Variants in METTL15 observed in about 807,000 individuals in gnomAD.
METTL15 encodes 12S rRNA N(4)-cytidine methyltransferase METTL15.
Under a neutral mutation model 38.3 loss-of-function variants are expected in METTL15, and 34 were observed. The observed-to-expected ratio is 0.89, with a 90% CI of 0.68 to 1.18. METTL15 has a LOEUF of 1.18. Among genes scored for constraint, METTL15 ranks in the 50% most tolerant of loss-of-function variants. The pLI, the probability that METTL15 is intolerant of heterozygous loss-of-function variation, is 0.00. For missense variants in METTL15, 438 were observed against 498.4 expected (o/e 0.88, Z 1.15); for synonymous variants, 162 against 170.9 (o/e 0.95, Z 0.41).
intron 5 of METTL15, among the ~76,000 whole-genome samples, chr11:28,393,537 A>G (rs1410494451): frequency 6.6e-6 from 1 of 152,096 alleles, no homozygotes; most frequent in African/African-American, 2.4e-5. Context: ...TCTAGCTTCA[A>G]AATGATAAAA....
chr11:28,209,199 T>G (rs1852512783), intron 3 of METTL15, among the ~76,000 whole-genome samples: 1 of 152,018 alleles, frequency 6.6e-6, no homozygotes, highest in African/African-American at 2.4e-5. Context: ...TGTCTCAGAA[T>G]AAGGGTAATT....
intron 4 of METTL15, among the ~76,000 whole-genome samples, chr11:28,250,559 C>CT (rs200416951): frequency 2.9e-3 from 188 of 65,448 alleles, no homozygotes; most frequent in Middle Eastern, 8.3e-3. Flanking sequence ...AGTTACTCTC[C>CT]TTTTTTTAAA....
chr11:28,238,960 A>G (rs914962497), intron 4 of METTL15, among the ~76,000 whole-genome samples: 15 of 150,576 alleles, frequency 1.0e-4, no homozygotes, highest in Non-Finnish European at 1.6e-4. Flanking sequence ...TTTTATTTGG[A>G]TTTTTTTTTT....
chr11:28,193,526 C>T (rs1851777476), intron 3 of METTL15, among the ~76,000 whole-genome samples: 1 of 152,084 alleles, frequency 6.6e-6, no homozygotes, highest in Admixed American at 6.6e-5. Context: ...AATTGCCTCC[C>T]TCCAGGCCCC....
intron 3 of METTL15, chr11:28,134,762 A>AT (rs1264897365): frequency 4.6e-5 from 18 of 393,246 alleles, no homozygotes; most frequent in Non-Finnish European, 8.1e-5. Flanking sequence ...TAGAAGACAT[A>AT]TATCAAAACG....
rs73436567 is a variant in METTL15 at position 28,196,074 on chromosome 11, A to G, written c.271-14988A>G. On this transcript the variant is annotated intron_variant, in intron 3 of 6. Coordinates refer to ENST00000407364, the MANE Select transcript of METTL15 (RefSeq NM_001113528.2). ...CAGTGGTCTGTGTTTCTACTTTTAC[A>G]CCAATATCATGCTGTTTTGGTTACT... 3.2e-3 allele frequency among the ~76,000 whole-genome samples: 486 copies of G among 152,102 alleles called. 1 individual carries two copies. The highest frequency in any genetic ancestry group is 6.0e-3 in the African/African-American group (249 of 41,504).
intron 6 of METTL15, among the ~76,000 whole-genome samples, chr11:28,439,613 G>A (rs867566200): frequency 6.6e-6 from 1 of 152,146 alleles, no homozygotes; most frequent in Non-Finnish European, 1.5e-5. Flanking sequence ...CGGGGTGGAG[G>A]AGAAAAGGTA....
intron 4 of METTL15, among the ~76,000 whole-genome samples, chr11:28,258,771 C>T (rs1855077007): frequency 6.6e-6 from 1 of 152,124 alleles, no homozygotes; most frequent in African/African-American, 2.4e-5. Flanking sequence ...CCCTTGAGGG[C>T]AGTGGACTCC....
At chr11:28,527,988 A>C (rs1376451709), downstream of METTL15, among the ~76,000 whole-genome samples, 1 of 152,214 alleles carries the variant, frequency 6.6e-6, no homozygotes, top group Non-Finnish European at 1.5e-5. Flanking sequence ...GTAATTGCCA[A>C]CTGTGGCATG....
chr11:28,293,182 G>A (rs1435047019), intron 5 of METTL15, among the ~76,000 whole-genome samples: 1 of 152,090 alleles, frequency 6.6e-6, no homozygotes, highest in Non-Finnish European at 1.5e-5. Flanking sequence ...GGTTTTTATG[G>A]TTTTAGGTCT....
rs531789776 is a variant in METTL15 at position 28,204,023 on chromosome 11, A to G, written c.271-7039A>G. 2.0e-5 allele frequency among the ~76,000 whole-genome samples: 3 copies of G among 152,182 alleles called. No homozygotes were observed. In the East Asian group the frequency reaches 5.8e-4, roughly 29 times the overall value. On this transcript the variant is annotated intron_variant, in intron 3 of 6. Transcript: ENST00000407364. ...TGTGGTAATGAGTCTTATATTTTGAAGAATGTTTCTAGACTCAAATGCACA... is the reference window on the plus strand; with the variant it reads ...TGTGGTAATGAGTCTTATATTTTGAGGAATGTTTCTAGACTCAAATGCACA...
intron 3 of METTL15, among the ~76,000 whole-genome samples, chr11:28,157,775 C>T (rs1772386628): frequency 6.6e-6 from 1 of 152,172 alleles, no homozygotes; most frequent in South Asian, 2.1e-4. Context: ...ACGGTCCCCA[C>T]TCCTGCCACC....
In METTL15 at chr11:28,182,073, T is replaced by C. The variant is rs554037588; in HGVS notation, c.271-28989T>C. On this transcript the variant is annotated intron_variant, in intron 3 of 6. Transcript: ENST00000407364. ...AATGTCTTCTCTTGAGAAGTGTCTG[T>C]TTATATCCTTTGCCCACTTTTTGAT... is the stretch of plus-strand genomic sequence containing the variant. 7.2e-5 allele frequency among the ~76,000 whole-genome samples: 11 copies of C among 152,290 alleles called. No individual in the cohort carries two copies. The East Asian group carries it at 1.9e-3, about 27-fold the overall frequency.
At position 28,290,128 on chromosome 11, in the gene METTL15, C is replaced by T. The variant is rs1590271139; in HGVS notation, c.408-78C>T. On this transcript the variant is annotated intron_variant, in intron 4 of 6. Coordinates refer to ENST00000407364, the MANE Select transcript of METTL15 (RefSeq NM_001113528.2). Reference sequence around the variant, plus strand: ...AAATCATGTAATAATAGAATGTGCTCCCTTCCATTGATCATAGACTTTAGA... The same window carrying T: ...AAATCATGTAATAATAGAATGTGCTTCCTTCCATTGATCATAGACTTTAGA... 2.5e-6 allele frequency: 3 copies of T among 1,188,754 alleles called. No individual in the cohort carries two copies. In the East Asian group the frequency reaches 7.7e-5, roughly 30 times the overall value. 73.6% of individuals were successfully genotyped at this position (1,188,754 alleles called of 1,614,324 possible).
chr11:28,418,648 G>A (rs1014110697), intron 5 of METTL15, among the ~76,000 whole-genome samples: 24 of 152,128 alleles, frequency 1.6e-4, no homozygotes, highest in Non-Finnish European at 3.4e-4. Context: ...CCTGGTTTTA[G>A]CTTTATGTTG....
rs777663128 is a variant in METTL15 at position 28,290,191 on chromosome 11, T to C, written c.408-15T>C. 4 of 1,594,266 alleles carry C rather than the reference T, an allele frequency of 2.5e-6. No homozygotes were observed. The East Asian group carries it at 9.0e-5, about 36-fold the overall frequency. On this transcript the variant is annotated splice_polypyrimidine_tract_variant and intron_variant, in intron 4 of 6. Transcript: ENST00000407364. ...TAACAGAAGTGTTTTCTCTATCTCC[T>C]GGGTTTACTCACAGTAAACAAATCC... is the stretch of plus-strand genomic sequence containing the variant.
chr11:28,279,758 G>A (rs1400860047), intron 4 of METTL15, among the ~76,000 whole-genome samples: 1 of 152,062 alleles, frequency 6.6e-6, no homozygotes, highest in African/African-American at 2.4e-5. Context: ...AAATTAGACG[G>A]GCATCATGGC....
Position 28,221,901 on chromosome 11 carries a change from C to G in METTL15, c.407+10703C>G, listed in dbSNP as rs7129953. ...TGAACAGCAAATGTTGCTGCCTGATCGTTCCTCTGGAAGTTTTGTCTCAGA... is the reference window on the plus strand; with the variant it reads ...TGAACAGCAAATGTTGCTGCCTGATGGTTCCTCTGGAAGTTTTGTCTCAGA... On this transcript the variant is annotated intron_variant, in intron 4 of 6. Transcript: ENST00000407364. Among the ~76,000 whole-genome samples, 7 of 151,958 alleles carry G rather than the reference C, an allele frequency of 4.6e-5. No homozygotes were observed. In the South Asian group the frequency reaches 1.2e-3, roughly 27 times the overall value.
Position 28,332,147 on chromosome 11 carries a change from T to C in METTL15, c.*1306T>C, listed in dbSNP as rs1311493583. ...TATCTGCCTCTGTAATATTTAACTT[T>C]AGTACCCAGGCTTGTTCACTACTTC... On this transcript the variant is annotated 3_prime_UTR_variant, in exon 7 of 7. Coordinates refer to ENST00000407364, the MANE Select transcript of METTL15 (RefSeq NM_001113528.2). 6.6e-6 allele frequency: 1 copy of C among 152,232 alleles called. No homozygotes were observed. The highest frequency in any genetic ancestry group is 1.5e-5 in the Non-Finnish European group (1 of 68,028). 9.4% of individuals were successfully genotyped at this position (152,232 alleles called of 1,614,324 possible).
Sources: gnomAD v4.1 joint callset for allele counts (sites outside exome capture counted in the v4.1 genomes callset) on GRCh38, gnomAD v4.1.1 for gene constraint, MANE v1.5 for transcripts, NCBI Gene and HGNC (gene_info 2026-07-23, HGNC 2026-07-21) for gene names.